The following PLIN3 variants were observed in gnomAD, a reference collection of about 807,000 sequenced individuals.
PLIN3 encodes perilipin 3.
PLIN3 carries 30 observed loss-of-function variants against 35.9 expected under a neutral mutation model. That is an observed-to-expected ratio of 0.84 (90% CI 0.62 to 1.13). The LOEUF (loss-of-function observed/expected upper bound fraction) is 1.13. PLIN3 is among the 50% of genes most tolerant of loss of function. The probability of loss-of-function intolerance (pLI) is 0.00; values close to 1 mark genes in which losing one functional copy is unlikely to be tolerated. For synonymous variants in PLIN3, 261 were observed against 262.5 expected, an observed-to-expected ratio of 0.99 and a Z score of 0.06; for missense variants, 603 against 596.9, an observed-to-expected ratio of 1.01 and a Z score of -0.11.
chr19:4,846,495 T>C (rs1358874918), intron 6 of PLIN3, among the ~76,000 whole-genome samples: 7 of 151,526 alleles, frequency 4.6e-5, no homozygotes, highest in African/African-American at 1.7e-4. Context: ...GGTCAGGAGT[T>C]TGAGACCAGC....
intron 7 of PLIN3, among the ~76,000 whole-genome samples, chr19:4,840,969 C>T (rs1296202429): frequency 6.6e-6 from 1 of 152,030 alleles, no homozygotes; most frequent in Non-Finnish European, 1.5e-5. Flanking sequence ...AAACAAAAAC[C>T]CCAGAGGCTA....
At chr19:4,847,196 T>C (rs931498184) in intron 6 of PLIN3, among the ~76,000 whole-genome samples, 4 of 151,520 alleles carry the variant, frequency 2.6e-5, no homozygotes, top group East Asian at 3.9e-4. Flanking sequence ...CCACGATTTT[T>C]TTTTTTTTTT....
intron 1 of PLIN3, among the ~76,000 whole-genome samples, chr19:4,862,276 G>A (rs191849778): frequency 2.6e-5 from 4 of 152,068 alleles, no homozygotes; most frequent in Non-Finnish European, 5.9e-5. Context: ...GACTACAGGC[G>A]TGTGCCACTA....
Position 4,838,939 on chromosome 19 carries a change from A to G in PLIN3, c.*253T>C, listed in dbSNP as rs1393259458. On this transcript the variant is annotated 3_prime_UTR_variant, in exon 8 of 8. Transcript: ENST00000221957. ...CTGCAGGGGAGAACTTTCCTGAAAG[A>G]TATTTTTTCTGGACATCTCTCTCTA... 3.4e-5 allele frequency: 12 copies of G among 355,722 alleles called. No individual in the cohort carries two copies. Among genetic ancestry groups the G allele is most frequent in the African/African-American group, 1.5e-4 (7 of 47,988 alleles). The allele number at this position is 355,722 out of a possible 1,614,324, so 22.0% of individuals were successfully genotyped here.
chr19:4,857,090 C>T lies in PLIN3; in HGVS notation c.348+2500G>A, dbSNP rs188281274. 3.2e-3 allele frequency among the ~76,000 whole-genome samples: 490 copies of T among 152,098 alleles called. 7 individuals are homozygous for T. In the South Asian group the frequency reaches 0.034, roughly 11 times the overall value. The stretch of plus-strand genomic sequence containing the variant: ...ATTCTTATGTTGAAGTCCTGATCCC[C>T]AGGGGTAAGAATGTGGCTGTATTTA... On this transcript the variant is annotated intron_variant, in intron 4 of 7. Coordinates refer to ENST00000221957, the MANE Select transcript of PLIN3 (RefSeq NM_005817.5).
At chr19:4,850,778 C>T (rs1428592682) in intron 5 of PLIN3, among the ~76,000 whole-genome samples, 1 of 151,284 alleles carries the variant, frequency 6.6e-6, no homozygotes, top group African/African-American at 2.4e-5. Flanking sequence ...ACCATGTTGG[C>T]CAGGCTTGTC....
At position 4,861,353 on chromosome 19, in the gene PLIN3, C is replaced by T. The variant is rs746867150; in HGVS notation, c.42G>A (p.Val14=). 1.2e-6 allele frequency: 2 copies of T among 1,613,386 alleles called. No individual in the cohort carries two copies. Among genetic ancestry groups the T allele is most frequent in the Admixed American group, 1.7e-5 (1 of 59,944 alleles). ...CCTGCTGTACCGGTTCTTCCACTGT[C>T]ACCTGGGTGCTGCCATCAGCCTCTG... The part of the protein sequence containing the change: ...DGAEADGSTQ[V]TVEEPVQQPS... The change falls in exon 2 of 8, where the codon GTG becomes GTA. Residue 14 remains valine, a synonymous_variant. Coordinates refer to ENST00000221957, the MANE Select transcript of PLIN3 (RefSeq NM_005817.5).
At chr19:4,864,880 G>A (rs755773574) in intron 1 of PLIN3, among the ~76,000 whole-genome samples, 3 of 152,046 alleles carry the variant, frequency 2.0e-5, no homozygotes, top group South Asian at 2.1e-4. Context: ...CTCTGGCCTC[G>A]GTCATCTTAC....
At chr19:4,860,124 G>T in intron 2 of PLIN3, 100 bp from the exon 3 acceptor site, 1 of 991,640 alleles carries the variant, frequency 1.0e-6, no homozygotes, top group Non-Finnish European at 1.6e-6. Context: ...CTCCTGGCCA[G>T]TGAAACGGCT....
At chr19:4,839,942 A>T (rs377123683) in intron 7 of PLIN3, among the ~76,000 whole-genome samples, 1 of 143,744 alleles carries the variant, frequency 7.0e-6, no homozygotes, top group Non-Finnish European at 1.5e-5. Flanking sequence ...TGGGATTACA[A>T]GCGTGAGCCA....
chr19:4,849,640 TTTAC>T (rs999110701), intron 5 of PLIN3, among the ~76,000 whole-genome samples: 3 of 151,540 alleles, frequency 2.0e-5, no homozygotes, highest in South Asian at 2.1e-4. Flanking sequence ...CATGTATTTA[TTTAC>T]TTATTTATTT....
At chr19:4,850,330 G>A (rs889448059) in intron 5 of PLIN3, among the ~76,000 whole-genome samples, 4 of 151,564 alleles carry the variant, frequency 2.6e-5, no homozygotes. Flanking sequence ...AGGCTGGAGT[G>A]CAGCGGCCCA....
At chr19:4,860,422 C>G (rs1218364627) in intron 2 of PLIN3, among the ~76,000 whole-genome samples, 1 of 151,738 alleles carries the variant, frequency 6.6e-6, no homozygotes. Flanking sequence ...CCAGGCTGGT[C>G]TTGAACTCCT....
chr19:4,842,776 G>A (rs541702015), intron 7 of PLIN3, among the ~76,000 whole-genome samples: 75 of 151,990 alleles, frequency 4.9e-4, no homozygotes, highest in African/African-American at 1.6e-3. Flanking sequence ...CTTAGCAGTC[G>A]GGGAAACAGG....
chr19:4,839,641 G>C, intron 7 of PLIN3, 105 bp from the exon 8 acceptor site: 1 of 839,820 alleles, frequency 1.2e-6, no homozygotes, highest in Non-Finnish European at 1.7e-6. Context: ...CACTGACCTT[G>C]GGGCAAACGC....
chr19:4,846,992 C>T (rs940035683), intron 6 of PLIN3, among the ~76,000 whole-genome samples: 3 of 150,982 alleles, frequency 2.0e-5, no homozygotes, highest in Admixed American at 6.6e-5. Flanking sequence ...CGGGTTCAAG[C>T]GATTCTCCTG....
chr19:4,856,975 G>A (rs570669639), intron 4 of PLIN3, among the ~76,000 whole-genome samples: 1 of 152,150 alleles, frequency 6.6e-6, no homozygotes, highest in East Asian at 1.9e-4. Context: ...CAAAGTGCTG[G>A]GAGTAAGGCG....
chr19:4,848,775 G>A (rs1599163518), intron 5 of PLIN3, among the ~76,000 whole-genome samples: 1 of 152,092 alleles, frequency 6.6e-6, no homozygotes, highest in African/African-American at 2.4e-5. Flanking sequence ...GCTGAGGCAG[G>A]AGAATCGCTT....
At chr19:4,842,614 A>AAG (rs1218492280) in intron 7 of PLIN3, among the ~76,000 whole-genome samples, 1 of 150,464 alleles carries the variant, frequency 6.6e-6, no homozygotes, top group East Asian at 1.9e-4. Context: ...AAAAAAAAAA[A>AAG]AAAAAAAAAG....
Sources: gnomAD v4.1 joint callset for allele counts (sites outside exome capture counted in the v4.1 genomes callset) on GRCh38, gnomAD v4.1.1 for gene constraint, MANE v1.5 for transcripts, NCBI Gene and HGNC (gene_info 2026-07-23, HGNC 2026-07-21) for gene names.